The following PCDH9 variants were observed in gnomAD, a reference collection of about 807,000 sequenced individuals.
The protein encoded by PCDH9 is protocadherin-9.
Under a neutral mutation model 70.6 loss-of-function variants are expected in PCDH9, and 24 were observed. The ratio of observed to expected loss-of-function variants is 0.34; its 90% CI spans 0.25 to 0.48. The LOEUF (loss-of-function observed/expected upper bound fraction) is 0.48, where lower values mean the gene tolerates loss of function less well. PCDH9 is among the 20% of genes least tolerant of loss of function. The probability of loss-of-function intolerance (pLI) is 0.99; values close to 1 mark genes in which losing one functional copy is unlikely to be tolerated. For missense variants in PCDH9, 1,281 were observed against 1,503.6 expected (o/e 0.85, Z 2.45); for synonymous variants, 562 against 558.5 (o/e 1.01, Z -0.09).
intron 4 of PCDH9, among the ~76,000 whole-genome samples, chr13:66,450,850 C>CT (rs1378485183): frequency 6.6e-6 from 1 of 152,118 alleles, no homozygotes; most frequent in East Asian, 1.9e-4. Flanking sequence ...CCCTTCTCTA[C>CT]TAAAGAAATA....
intron 3 of PCDH9, among the ~76,000 whole-genome samples, chr13:66,828,716 CAAA>C (rs1397091938): frequency 6.6e-6 from 1 of 151,738 alleles, no homozygotes; most frequent in Non-Finnish European, 1.5e-5. Context: ...CATAGAATAA[CAAA>C]AACATTTCAA....
chr13:66,641,935 A>T (rs1271882254), intron 3 of PCDH9, among the ~76,000 whole-genome samples: 1 of 152,160 alleles, frequency 6.6e-6, no homozygotes, highest in Non-Finnish European at 1.5e-5. Flanking sequence ...ATTTTCTCAA[A>T]GGGTTTCAAT....
Position 67,226,367 on chromosome 13 carries a change from T to C in PCDH9, c.2074A>G (p.Ile692Val), listed in dbSNP as rs1193611987. The C allele has an allele frequency of 1.2e-6, 2 of 1,614,094 alleles. No individual in the cohort carries two copies. The highest frequency in any genetic ancestry group is 1.3e-5 in the African/African-American group (1 of 74,938). ...ACTTCTGCTACCACGGAGCCAGGAA[T>C]GGCTGAGAGGGGCACCAACTTAAAG... ...TSFKLVPLSA[I>V]PGSVVAEVFA... Residue 692 changes from isoleucine (I) to valine (V), a missense_variant, in exon 2 of 5, where the codon ATT (isoleucine) becomes GTT (valine). Transcript: ENST00000377865. This position sits in a 1 kb window ranked among gnomAD's most constrained non-coding sequence, Gnocchi z 5.0.
chr13:66,640,666 A>G (rs771949131), intron 3 of PCDH9, among the ~76,000 whole-genome samples: 1 of 152,164 alleles, frequency 6.6e-6, no homozygotes, highest in Non-Finnish European at 1.5e-5. Context: ...AAGGACAGAT[A>G]ATGTTATTCC....
intron 4 of PCDH9, among the ~76,000 whole-genome samples, chr13:66,548,683 C>T (rs2138674567): frequency 6.6e-6 from 1 of 152,192 alleles, no homozygotes. Flanking sequence ...GTGATATCCA[C>T]TTTAAAAGGC....
intron 3 of PCDH9, among the ~76,000 whole-genome samples, chr13:66,695,221 C>T (rs1454530901): frequency 6.6e-5 from 10 of 152,086 alleles, no homozygotes; most frequent in African/African-American, 1.9e-4. Context: ...TTTTAAATAA[C>T]GAATGTATAA....
intron 2 of PCDH9, among the ~76,000 whole-genome samples, chr13:67,059,405 A>AT (rs1393256964): frequency 6.8e-6 from 1 of 146,974 alleles, no homozygotes; most frequent in Admixed American, 6.9e-5. Context: ...TATATAGTGT[A>AT]TATATATGGT....
chr13:66,685,177 C>T (rs990871860), intron 3 of PCDH9, among the ~76,000 whole-genome samples: 5 of 152,184 alleles, frequency 3.3e-5, no homozygotes, highest in Non-Finnish European at 5.9e-5. Flanking sequence ...TCCCATCACC[C>T]GCCCAGAGGC....
At chr13:66,736,360 C>G (rs530248826) in intron 3 of PCDH9, among the ~76,000 whole-genome samples, 1 of 152,198 alleles carries the variant, frequency 6.6e-6, no homozygotes, top group East Asian at 1.9e-4. Flanking sequence ...CAAAGGGACA[C>G]CAGGTATGCA....
intron 4 of PCDH9, among the ~76,000 whole-genome samples, chr13:66,627,796 A>T (rs189630554): frequency 1.3e-4 from 20 of 151,936 alleles, no homozygotes; most frequent in African/African-American, 4.1e-4. Context: ...ATTGGTAAAA[A>T]CTCTAGAGAT....
chr13:67,194,428 G>T (rs1323615035), intron 2 of PCDH9, among the ~76,000 whole-genome samples: 5 of 150,434 alleles, frequency 3.3e-5, no homozygotes, highest in Non-Finnish European at 7.4e-5. Context: ...AAACTACATT[G>T]TTATCGACCA....
At chr13:67,138,553 T>C (rs1050549756) in intron 2 of PCDH9, among the ~76,000 whole-genome samples, 6 of 152,162 alleles carry the variant, frequency 3.9e-5, no homozygotes, top group African/African-American at 1.4e-4. Context: ...ACTTTGTGAC[T>C]TTACTTCATC....
chr13:66,623,394 G>A (rs76104169), intron 4 of PCDH9, among the ~76,000 whole-genome samples: 1 of 151,918 alleles, frequency 6.6e-6, no homozygotes. Flanking sequence ...ACACTCCTGA[G>A]TTCATATTTT....
intron 2 of PCDH9, chr13:67,218,609 T>C (rs912853862): frequency 6.6e-6 from 1 of 152,064 alleles, no homozygotes; most frequent in Non-Finnish European, 1.5e-5. Flanking sequence ...TATAGAAGAA[T>C]GTTAAAATAC....
chr13:66,959,440 A>G (rs2083311270), intron 2 of PCDH9, among the ~76,000 whole-genome samples: 1 of 152,186 alleles, frequency 6.6e-6, no homozygotes. Context: ...GAAATGATCA[A>G]TTAAGAAATT....
At chr13:67,136,613 A>G (rs990951841) in intron 2 of PCDH9, among the ~76,000 whole-genome samples, 1 of 152,216 alleles carries the variant, frequency 6.6e-6, no homozygotes, top group Admixed American at 6.5e-5. Flanking sequence ...TAAACTCTAT[A>G]TAAATGGTGT....
intron 3 of PCDH9, among the ~76,000 whole-genome samples, chr13:66,718,467 A>G (rs996019175): frequency 6.6e-6 from 1 of 152,210 alleles, no homozygotes; most frequent in Non-Finnish European, 1.5e-5. Flanking sequence ...TTCATAATCC[A>G]CTATGCCATG....
chr13:66,531,476 T>C (rs1414650444), intron 4 of PCDH9, among the ~76,000 whole-genome samples: 1 of 152,082 alleles, frequency 6.6e-6, no homozygotes, highest in African/African-American at 2.4e-5. Flanking sequence ...AATAAACGGA[T>C]AGTATGTTAC....
At chr13:66,408,103 C>G (rs867294956) in intron 4 of PCDH9, among the ~76,000 whole-genome samples, 2 of 142,978 alleles carry the variant, frequency 1.4e-5, no homozygotes, top group African/African-American at 2.6e-5. Flanking sequence ...CCAGGCCGGA[C>G]TGCGGACTGC....
Sources: allele counts gnomAD v4.1 joint callset (sites outside exome capture counted in the v4.1 genomes callset), GRCh38; gene constraint gnomAD v4.1.1; non-coding constraint Gnocchi (gnomAD v3.1); transcripts MANE v1.5; gene names NCBI Gene and HGNC (gene_info 2026-07-23, HGNC 2026-07-21).